Variants in CACNG3 observed in about 807,000 individuals in gnomAD.
The protein encoded by CACNG3 is voltage-dependent calcium channel gamma-3 subunit.
Under a neutral mutation model 28.5 loss-of-function variants are expected in CACNG3, and 3 were observed. The ratio of observed to expected loss-of-function variants is 0.11; its 90% CI spans 0.05 to 0.27. The LOEUF (loss-of-function observed/expected upper bound fraction) is 0.27, where lower values mean the gene tolerates loss of function less well. Among genes scored for constraint, CACNG3 ranks in the 10% least tolerant of loss-of-function variants. The probability of loss-of-function intolerance (pLI) is 1.00; values close to 1 mark genes in which losing one functional copy is unlikely to be tolerated. For synonymous variants in CACNG3, 174 were observed against 162.2 expected (o/e 1.07, Z -0.55); for missense variants, 236 against 414.4 (o/e 0.57, Z 3.74).
intron 1 of CACNG3, among the ~76,000 whole-genome samples, chr16:24,281,723 G>A (rs1203928111): frequency 6.6e-6 from 1 of 152,194 alleles, no homozygotes; most frequent in Non-Finnish European, 1.5e-5. Context: ...TAATTATGAT[G>A]ATAAATGACA....
At chr16:24,266,968 CTTTT>C (rs750145274) in intron 1 of CACNG3, among the ~76,000 whole-genome samples, 3 of 137,348 alleles carry the variant, frequency 2.2e-5, no homozygotes, top group African/African-American at 2.7e-5. Context: ...TTTTTAATTT[CTTTT>C]TTTTTTTTTT....
intron 1 of CACNG3, among the ~76,000 whole-genome samples, chr16:24,272,308 T>C (rs1310819655): frequency 1.3e-5 from 2 of 152,136 alleles, no homozygotes; most frequent in South Asian, 4.1e-4. Context: ...ACCCTCACTA[T>C]AGACTCATCT....
chr16:24,351,252 A>G (rs928499583), intron 2 of CACNG3, among the ~76,000 whole-genome samples: 2 of 152,096 alleles, frequency 1.3e-5, no homozygotes, highest in Non-Finnish European at 2.9e-5. Context: ...GCTTCAGTTC[A>G]TGGGCATCCA....
intron 1 of CACNG3, among the ~76,000 whole-genome samples, chr16:24,312,802 G>C (rs1899281059): frequency 6.6e-6 from 1 of 151,240 alleles, no homozygotes; most frequent in Non-Finnish European, 1.5e-5. Flanking sequence ...CTGGACCACA[G>C]AGTGAGACCT....
chr16:24,279,027 G>A (rs1297736658), intron 1 of CACNG3, among the ~76,000 whole-genome samples: 1 of 152,204 alleles, frequency 6.6e-6, no homozygotes, highest in Non-Finnish European at 1.5e-5. Context: ...CATAAAGAGA[G>A]CCTAGGACAG....
At chr16:24,314,332 G>A (rs979794515) in intron 1 of CACNG3, among the ~76,000 whole-genome samples, 6 of 152,130 alleles carry the variant, frequency 3.9e-5, no homozygotes, top group Non-Finnish European at 8.8e-5. Flanking sequence ...GTGGGACCTC[G>A]CATAACTAGT....
intron 1 of CACNG3, among the ~76,000 whole-genome samples, chr16:24,271,270 T>C (rs1275366686): frequency 1.3e-5 from 2 of 152,242 alleles, no homozygotes; most frequent in Admixed American, 6.5e-5. Context: ...CGCCCTTCTC[T>C]ATGACTCGGT....
intron 1 of CACNG3, among the ~76,000 whole-genome samples, chr16:24,291,129 G>T (rs1347606286): frequency 6.6e-6 from 1 of 152,152 alleles, no homozygotes; most frequent in African/African-American, 2.4e-5. Context: ...TCCCTCATAG[G>T]GTTCTTATGG....
chr16:24,301,602 C>T (rs1899112660), intron 1 of CACNG3, among the ~76,000 whole-genome samples: 1 of 152,178 alleles, frequency 6.6e-6, no homozygotes, highest in Non-Finnish European at 1.5e-5. Flanking sequence ...GCCATTGTTT[C>T]TTTTGCTTTT....
intron 1 of CACNG3, among the ~76,000 whole-genome samples, chr16:24,296,276 C>T (rs1240229526): frequency 6.6e-6 from 1 of 152,190 alleles, no homozygotes; most frequent in African/African-American, 2.4e-5. Context: ...TCAGTTTGCC[C>T]TGAGAGTCTA....
At chr16:24,308,796 C>T (rs1233350433) in intron 1 of CACNG3, among the ~76,000 whole-genome samples, 1 of 124,034 alleles carries the variant, frequency 8.1e-6, no homozygotes, top group Non-Finnish European at 1.6e-5. Flanking sequence ...GTGCTGATGT[C>T]ACCACTGTGT....
At chr16:24,261,486 G>A (rs1368666758) in intron 1 of CACNG3, among the ~76,000 whole-genome samples, 1 of 152,196 alleles carries the variant, frequency 6.6e-6, no homozygotes, top group African/African-American at 2.4e-5. Context: ...AACTTTTTAA[G>A]AATATGATAT....
At chr16:24,336,345 C>T (rs1264959339) in intron 1 of CACNG3, among the ~76,000 whole-genome samples, 4 of 150,950 alleles carry the variant, frequency 2.6e-5, no homozygotes, top group African/African-American at 9.7e-5. Context: ...GATCTCAGCT[C>T]ACTGCAAGCT....
chr16:24,263,176 G>C (rs1039186334), intron 1 of CACNG3, among the ~76,000 whole-genome samples: 14 of 152,076 alleles, frequency 9.2e-5, no homozygotes, highest in African/African-American at 3.4e-4. Context: ...TCATTCATTA[G>C]AGGAGATAAC....
chr16:24,351,831 CTTTTTT>C (rs869158970), intron 2 of CACNG3, among the ~76,000 whole-genome samples: 1 of 85,060 alleles, frequency 1.2e-5, no homozygotes, highest in Non-Finnish European at 2.1e-5. Flanking sequence ...CTCTCTCTCT[CTTTTTT>C]TTTTTTTTTT....
intron 1 of CACNG3, among the ~76,000 whole-genome samples, chr16:24,298,933 T>C (rs1899069177): frequency 6.6e-6 from 1 of 152,206 alleles, no homozygotes. Context: ...AAAATGTCCT[T>C]CTCAACACAT....
intron 1 of CACNG3, among the ~76,000 whole-genome samples, chr16:24,301,397 G>A (rs1032695936): frequency 5.3e-5 from 8 of 152,166 alleles, no homozygotes; most frequent in African/African-American, 1.7e-4. Context: ...ATTCTGTGGA[G>A]GTTGAAGAAT....
intron 3 of CACNG3, among the ~76,000 whole-genome samples, chr16:24,360,337 C>T (rs1223773597): frequency 2.6e-5 from 4 of 152,190 alleles, no homozygotes; most frequent in Non-Finnish European, 5.9e-5. Flanking sequence ...CTCCTACTGA[C>T]CACTACCTAG....
chr16:24,353,269 CTGGCT>C (rs1899981698), intron 2 of CACNG3, among the ~76,000 whole-genome samples: 1 of 152,224 alleles, frequency 6.6e-6, no homozygotes, highest in Non-Finnish European at 1.5e-5. Flanking sequence ...GCCACCATGC[CTGGCT>C]AGGCCTCACA....
Sources: allele counts gnomAD v4.1 joint callset (sites outside exome capture counted in the v4.1 genomes callset), GRCh38; gene constraint gnomAD v4.1.1; transcripts MANE v1.5; gene names NCBI Gene and HGNC (gene_info 2026-07-23, HGNC 2026-07-21).